Variants in LRBA observed in about 807,000 individuals in gnomAD.
LRBA encodes the protein LPS responsive beige-like anchor protein.
In LRBA, 176 loss-of-function variants were observed where a neutral mutation model predicts 330.0. The observed-to-expected ratio is 0.53, with a 90% confidence interval of 0.47 to 0.60. The LOEUF is 0.60. LRBA is among the 20% of genes least tolerant of loss of function. The pLI, the probability that LRBA is intolerant of heterozygous loss-of-function variation, is 0.00. For missense variants in LRBA, 3,259 were observed against 3,444.8 expected (o/e 0.95, Z 1.35); for synonymous variants, 1,230 against 1,193.0 (o/e 1.03, Z -0.64).
chr4:150,886,347 T>C (rs894638141), intron 17 of LRBA, among the ~76,000 whole-genome samples: 6 of 152,124 alleles, frequency 3.9e-5, no homozygotes, highest in Admixed American at 3.3e-4. Flanking sequence ...AGGAGAAGTG[T>C]GGGGAAGAAT....
intron 14 of LRBA, among the ~76,000 whole-genome samples, chr4:150,898,310 A>G (rs566372209): frequency 1.3e-3 from 199 of 152,210 alleles, no homozygotes; most frequent in Admixed American, 2.1e-3. Context: ...TCACTACACG[A>G]TATCATTCAT....
intron 37 of LRBA, among the ~76,000 whole-genome samples, chr4:150,623,646 A>C (rs1350572022): frequency 1.3e-5 from 2 of 152,122 alleles, no homozygotes; most frequent in African/African-American, 4.8e-5. Context: ...CTGGGTAGGG[A>C]TAAGTACTAA....
chr4:150,693,930 C>A (rs1012685757), intron 36 of LRBA, among the ~76,000 whole-genome samples: 1 of 152,092 alleles, frequency 6.6e-6, no homozygotes, highest in African/African-American at 2.4e-5. Flanking sequence ...GCTAAAATAG[C>A]AAGCCCTTTT....
At chr4:150,825,098 A>T (rs1746031797) in intron 30 of LRBA, among the ~76,000 whole-genome samples, 2 of 152,208 alleles carry the variant, frequency 1.3e-5, no homozygotes, top group Admixed American at 1.3e-4. Flanking sequence ...AAAATCTCAG[A>T]AGACACAAAA....
intron 48 of LRBA, among the ~76,000 whole-genome samples, chr4:150,345,706 T>C (rs1435052570): frequency 6.6e-6 from 1 of 152,212 alleles, no homozygotes; most frequent in Non-Finnish European, 1.5e-5. Flanking sequence ...AATTTATTTA[T>C]TTGTTTGTTT....
chr4:150,780,817 A>AG (rs897359441), intron 34 of LRBA, among the ~76,000 whole-genome samples: 39 of 149,364 alleles, frequency 2.6e-4, no homozygotes, highest in Non-Finnish European at 4.6e-4. Context: ...CAAGGGGGTG[A>AG]GGGGGGGGAA....
intron 9 of LRBA, among the ~76,000 whole-genome samples, chr4:150,912,712 C>T (rs775323848): frequency 2.6e-5 from 4 of 152,220 alleles, no homozygotes; most frequent in Non-Finnish European, 4.4e-5. Flanking sequence ...TATTTCTGCT[C>T]GGATTTTTAT....
At chr4:150,730,607 A>G (rs1326518802) in intron 36 of LRBA, among the ~76,000 whole-genome samples, 1 of 148,452 alleles carries the variant, frequency 6.7e-6, no homozygotes, top group African/African-American at 2.5e-5. Context: ...CCCCTGAACC[A>G]GGGAGGTGGA....
At chr4:150,988,843 C>T (rs1057423096) in intron 2 of LRBA, among the ~76,000 whole-genome samples, 1 of 151,978 alleles carries the variant, frequency 6.6e-6, no homozygotes, top group African/African-American at 2.4e-5. Flanking sequence ...TCCCAAAGTG[C>T]TGGGATTACA....
At chr4:150,821,560 C>A (rs1383694480) in intron 30 of LRBA, among the ~76,000 whole-genome samples, 1 of 152,058 alleles carries the variant, frequency 6.6e-6, no homozygotes, top group East Asian at 1.9e-4. Flanking sequence ...CAAATAGCAA[C>A]AATGCCTTCC....
intron 28 of LRBA, among the ~76,000 whole-genome samples, chr4:150,834,565 G>A (rs1747711526): frequency 6.6e-6 from 1 of 152,178 alleles, no homozygotes. Flanking sequence ...AAAACATTCA[G>A]TAAGCCATGT....
At chr4:150,618,289 C>T (rs1157758326) in intron 37 of LRBA, among the ~76,000 whole-genome samples, 1 of 152,096 alleles carries the variant, frequency 6.6e-6, no homozygotes, top group Non-Finnish European at 1.5e-5. Context: ...CAAATGAAGA[C>T]CCTGCTCTCA....
Position 150,914,340 on chromosome 4 carries a change from G to T in LRBA, c.1016C>A (p.Thr339Asn). 6.8e-7 allele frequency: 1 copy of T among 1,470,652 alleles called. No individual in the cohort carries two copies. Among genetic ancestry groups the T allele is most frequent in the African/African-American group, 1.4e-5 (1 of 69,512 alleles). The allele number at this position is 1,470,652 out of a possible 1,614,324, so 91.1% of individuals were successfully genotyped here. Residue 339 changes from threonine (T) to asparagine (N), a missense_variant and splice_region_variant, in exon 9 of 57, where the codon ACC becomes AAC. Transcript: ENST00000651943. ...EITWFVNTSD[T>N]FDKCFLGSSE... is the part of the protein sequence containing the mutation. ...TGAGCCCAGGAAACATTTGTCAAAG[G>T]TCTGTAAAAGAAAAAAAAAAAGGAA...
chr4:150,312,626 G>A (rs138602896), intron 51 of LRBA, among the ~76,000 whole-genome samples: 89 of 152,138 alleles, frequency 5.8e-4, no homozygotes, highest in African/African-American at 2.0e-3. Context: ...CAAGTCAGGT[G>A]GTTTCCAATT....
intron 35 of LRBA, among the ~76,000 whole-genome samples, chr4:150,758,475 T>C (rs1461712717): frequency 6.6e-6 from 1 of 152,094 alleles, no homozygotes; most frequent in Admixed American, 6.6e-5. Context: ...TTCATAATCC[T>C]ACCACTTCTT....
intron 37 of LRBA, among the ~76,000 whole-genome samples, chr4:150,625,974 G>C (rs1418690394): frequency 1.3e-5 from 2 of 151,954 alleles, no homozygotes; most frequent in Non-Finnish European, 2.9e-5. Flanking sequence ...TTACAGGTGT[G>C]AGCCACAGTC....
At chr4:150,788,239 A>ATTTTTTTTTT (rs377479266) in intron 34 of LRBA, among the ~76,000 whole-genome samples, 8 of 123,230 alleles carry the variant, frequency 6.5e-5, no homozygotes, top group African/African-American at 2.3e-4. Flanking sequence ...CACCCGGTTA[A>ATTTTTTTTTT]TTTTTTTTTT....
chr4:150,529,500 G>A (rs546356575), intron 40 of LRBA, among the ~76,000 whole-genome samples: 178 of 152,188 alleles, frequency 1.2e-3, no homozygotes, highest in African/African-American at 4.1e-3. Flanking sequence ...GGTGGATCAC[G>A]AGGTCAGGAG....
At chr4:150,643,779 T>G (rs1177972241) in intron 37 of LRBA, among the ~76,000 whole-genome samples, 1 of 151,992 alleles carries the variant, frequency 6.6e-6, no homozygotes, top group Non-Finnish European at 1.5e-5. Context: ...GAATGGATTG[T>G]AAATTCATAA....
Sources: allele counts gnomAD v4.1 joint callset (sites outside exome capture counted in the v4.1 genomes callset), GRCh38; gene constraint gnomAD v4.1.1; transcripts MANE v1.5; gene names NCBI Gene and HGNC (gene_info 2026-07-23, HGNC 2026-07-21).